Variants in STAB2 observed in about 807,000 individuals in gnomAD.
STAB2 encodes the protein stabilin 2, also known as stabilin-2.
A neutral mutation model predicts 338.1 loss-of-function variants in STAB2; 288 were observed. The ratio of observed to expected loss-of-function variants is 0.85; its 90% CI spans 0.77 to 0.94. The LOEUF (loss-of-function observed/expected upper bound fraction) is 0.94. Among genes scored for constraint, STAB2 ranks in the 40% least tolerant of loss-of-function variants. The pLI is 0.00. For synonymous variants in STAB2, 1,202 were observed against 1,193.3 expected (o/e 1.01, Z -0.15); for missense variants, 3,141 against 3,210.1 (o/e 0.98, Z 0.52).
Position 103,678,760 on chromosome 12 carries a change from G to A in STAB2, c.2805+1149G>A, listed in dbSNP as rs570899413. ...TTGGTCAGGCTGGTCTCAAACTCCC[G>A]ATCTCAGGTGATCCACCTGCCTCGG... On this transcript the variant is annotated intron_variant, in intron 25 of 68. Coordinates refer to ENST00000388887, the MANE Select transcript of STAB2 (RefSeq NM_017564.10). Among the ~76,000 whole-genome samples the A allele has an allele frequency of 1.9e-3, 284 of 152,114 alleles. 1 individual carries two copies. Among genetic ancestry groups the A allele is most frequent in the Non-Finnish European group, 1.7e-3 (116 of 67,996 alleles).
At chr12:103,703,388 A>T in intron 35 of STAB2, 112 bp downstream of exon 35, 3 of 1,309,712 alleles carry the variant, frequency 2.3e-6, no homozygotes, top group Non-Finnish European at 3.1e-6. Context: ...CAGTCCATAA[A>T]CCACTGAATG....
intron 57 of STAB2, among the ~76,000 whole-genome samples, 156 bp downstream of exon 57, chr12:103,745,433 T>C (rs2139141369): frequency 6.6e-6 from 1 of 152,344 alleles, no homozygotes; most frequent in Non-Finnish European, 1.5e-5. Flanking sequence ...GCCCCGGGCC[T>C]CAGGAGGATG....
intron 5 of STAB2, 63 bp from the exon 6 acceptor site, chr12:103,631,535 T>C (rs575753205): frequency 6.7e-7 from 1 of 1,498,386 alleles, no homozygotes; most frequent in Admixed American, 1.7e-5. Flanking sequence ...AAACACTAGC[T>C]TTCCAGAATG....
At chr12:103,705,483 C>T (rs1262521561) in intron 36 of STAB2, 149 bp from the exon 37 acceptor site, 2 of 625,272 alleles carry the variant, frequency 3.2e-6, no homozygotes, top group Non-Finnish European at 5.6e-6. Context: ...TGTTTTCTTG[C>T]TTAAGAAGCA....
At chr12:103,677,660 A>G (rs1876513942) in intron 25 of STAB2, 49 bp downstream of exon 25, 1 of 1,579,154 alleles carries the variant, frequency 6.3e-7, no homozygotes, top group Non-Finnish European at 8.7e-7. Flanking sequence ...TCCTGCAGTG[A>G]CTTTGCTTTC....
chr12:103,678,759 C>T (rs1057490162), intron 25 of STAB2, among the ~76,000 whole-genome samples: 4 of 151,968 alleles, frequency 2.6e-5, no homozygotes, highest in Middle Eastern at 3.2e-3. Flanking sequence ...CTCAAACTCC[C>T]GATCTCAGGT....
chr12:103,699,279 G>GGAGA (rs1566025536), intron 34 of STAB2, 52 bp downstream of exon 34: 1 of 1,571,894 alleles, frequency 6.4e-7, no homozygotes, highest in Non-Finnish European at 8.7e-7. Flanking sequence ...ATTACATCAG[G>GGAGA]GAGAGTATGA....
chr12:103,631,698 G>A lies in STAB2; in HGVS notation c.583+5G>A. 1 of 1,613,812 alleles carries A rather than the reference G, an allele frequency of 6.2e-7. No individual in the cohort carries two copies. Among genetic ancestry groups the A allele is most frequent in the Non-Finnish European group, 8.5e-7 (1 of 1,179,674 alleles). Reference sequence around the variant, plus strand: ...CTGGCCCCAAGTGTGACAAGCGTAAGTACTGCTAGTTCCCTTAATGCCACA... The same window carrying A: ...CTGGCCCCAAGTGTGACAAGCGTAAATACTGCTAGTTCCCTTAATGCCACA... On this transcript the variant is annotated splice_donor_5th_base_variant and intron_variant, in intron 6 of 68. Coordinates refer to ENST00000388887, the MANE Select transcript of STAB2 (RefSeq NM_017564.10).
At chr12:103,683,169 T>G in intron 25 of STAB2, 36 bp from the exon 26 acceptor site, 1 of 1,589,968 alleles carries the variant, frequency 6.3e-7, no homozygotes, top group African/African-American at 1.3e-5. Flanking sequence ...GCACTTGCTT[T>G]CAATAATCCA....
chr12:103,610,002 T>G (rs1957096461), intron 3 of STAB2, among the ~76,000 whole-genome samples: 1 of 152,190 alleles, frequency 6.6e-6, no homozygotes, highest in Non-Finnish European at 1.5e-5. Context: ...TTGATTTGCG[T>G]ATGTTGAACC....
At chr12:103,628,364 T>G (rs1389645863) in intron 5 of STAB2, among the ~76,000 whole-genome samples, 1 of 152,144 alleles carries the variant, frequency 6.6e-6, no homozygotes, top group African/African-American at 2.4e-5. Flanking sequence ...TAAAGAGAAG[T>G]GTGGGGCCTT....
intron 54 of STAB2, among the ~76,000 whole-genome samples, chr12:103,740,301 C>T (rs1310181718): frequency 6.6e-6 from 1 of 152,100 alleles, no homozygotes; most frequent in African/African-American, 2.4e-5. Flanking sequence ...TGCCCCACAC[C>T]CCTTCCATGA....
rs1485468616 is a variant in STAB2 at position 103,683,264 on chromosome 12, T to A, written c.2865T>A (p.Thr955=). ...ATGGGATTGACTGTGAACCAATAAC[T>A]TCATGCTTGGAACAAACCGGGAAAT... is the stretch of plus-strand genomic sequence containing the variant. ...RGNGIDCEPI[T]SCLEQTGKCH... The change falls in exon 26 of 69, where the codon ACT becomes ACA. Residue 955 remains threonine, a synonymous_variant. Coordinates refer to ENST00000388887, the MANE Select transcript of STAB2 (RefSeq NM_017564.10). The A allele has an allele frequency of 2.5e-6, 4 of 1,612,942 alleles. No individual in the cohort carries two copies. The South Asian group carries it at 4.4e-5, about 18-fold the overall frequency.
chr12:103,702,983 TC>T (rs1411055392), intron 34 of STAB2, among the ~76,000 whole-genome samples, 164 bp from the exon 35 acceptor site: 1 of 152,260 alleles, frequency 6.6e-6, no homozygotes, highest in Admixed American at 6.5e-5. Context: ...TATTCAGACT[TC>T]CGCTCCTAAG....
chr12:103,712,690 C>T (rs1045060637), intron 41 of STAB2, among the ~76,000 whole-genome samples: 6 of 152,126 alleles, frequency 3.9e-5, no homozygotes, highest in South Asian at 2.1e-4. Flanking sequence ...ACATAATGAT[C>T]GATGTTTCAG....
At position 103,677,465 on chromosome 12, in the gene STAB2, A is replaced by G. The variant is rs548697695; in HGVS notation, c.2659A>G (p.Lys887Glu). The G allele has an allele frequency of 5.2e-5, 84 of 1,611,378 alleles. 3 individuals are homozygous for G. The South Asian group carries it at 8.9e-4, about 17-fold the overall frequency. The change falls in exon 25 of 69, where the codon AAA becomes GAA. Residue 887 changes from lysine to glutamate, a missense_variant. By Grantham distance (56) the Lys-to-Glu change is moderately conservative (BLOSUM62 1). Coordinates refer to ENST00000388887, the MANE Select transcript of STAB2 (RefSeq NM_017564.10). ...GGCSRNAECI[K>E]TGTGTHTCVC... The stretch of plus-strand genomic sequence containing the variant: ...TTTCCTCCTGCAGGCAGAATGCATC[A>G]AAACTGGCACGGGCACCCACACCTG...
chr12:103,675,229 G>C (rs1400562645), intron 23 of STAB2, among the ~76,000 whole-genome samples: 1 of 152,148 alleles, frequency 6.6e-6, no homozygotes, highest in African/African-American at 2.4e-5. Flanking sequence ...AACAAATATT[G>C]GTTGAATAGA....
chr12:103,761,847 T>TA (rs1884563717), intron 66 of STAB2, among the ~76,000 whole-genome samples: 1 of 152,170 alleles, frequency 6.6e-6, no homozygotes, highest in Non-Finnish European at 1.5e-5. Flanking sequence ...TGACACACAG[T>TA]ACATGCTATA....
At chr12:103,626,850 C>T (rs1333474388) in intron 5 of STAB2, among the ~76,000 whole-genome samples, 5 of 152,282 alleles carry the variant, frequency 3.3e-5, no homozygotes, top group South Asian at 2.1e-4. Context: ...GAGATAATTT[C>T]GAGCTGCACC....
Sources: allele counts gnomAD v4.1 joint callset (sites outside exome capture counted in the v4.1 genomes callset), GRCh38; gene constraint gnomAD v4.1.1; transcripts MANE v1.5; gene names NCBI Gene and HGNC (gene_info 2026-07-23, HGNC 2026-07-21).